The following RIBC2 variants were observed in gnomAD, a reference collection of about 807,000 sequenced individuals.
The protein encoded by RIBC2 is RIB43A-like with coiled-coils protein 2.
In RIBC2, 40 loss-of-function variants were observed where a neutral mutation model predicts 44.3. The ratio of observed to expected loss-of-function variants is 0.90; its 90% confidence interval spans 0.70 to 1.18. The LOEUF is 1.18. RIBC2 is among the 50% of genes most tolerant of loss of function. The pLI is 0.00. For synonymous variants in RIBC2, 171 were observed against 175.0 expected, an observed-to-expected ratio of 0.98 and a Z score of 0.18; for missense variants, 459 against 485.5, an observed-to-expected ratio of 0.95 and a Z score of 0.51.
intron 3 of RIBC2, among the ~76,000 whole-genome samples, chr22:45,421,550 A>ATATTAATAATAATAATAGTATTAT (rs2087482353): frequency 3.2e-5 from 1 of 31,244 alleles, no homozygotes; most frequent in Non-Finnish European, 4.7e-5. Context: ...AATATTAATA[A>ATATTAATAATAATAATAGTATTAT]TAATAATAGT....
intron 5 of RIBC2, among the ~76,000 whole-genome samples, chr22:45,430,512 G>A (rs1381999034): frequency 6.6e-6 from 1 of 152,204 alleles, no homozygotes; most frequent in Non-Finnish European, 1.5e-5. Flanking sequence ...AGCCGGCCAT[G>A]GCTCATGGAG....
intron 3 of RIBC2, among the ~76,000 whole-genome samples, chr22:45,421,544 T>C (rs765115392): frequency 7.1e-5 from 8 of 113,200 alleles, no homozygotes; most frequent in African/African-American, 2.2e-4. Context: ...ATTAATAATA[T>C]TAATAATAAT....
rs767889347 is a variant in RIBC2 at position 45,426,008 on chromosome 22, G to A, written c.736G>A (p.Ala246Thr). 6.2e-7 allele frequency: 1 copy of A among 1,613,982 alleles called. No individual in the cohort carries two copies. The highest frequency in any genetic ancestry group is 1.3e-5 in the African/African-American group (1 of 74,932). ...EKKQEQEDNL[A>T]EITNLLRGDL... Reference sequence around the variant, plus strand: ...AAAGCAAGAACAAGAGGACAACTTGGCCGAGATCACCAACCTCCTGCGTGG... The same window carrying A: ...AAAGCAAGAACAAGAGGACAACTTGACCGAGATCACCAACCTCCTGCGTGG... Residue 246 changes from alanine to threonine, a missense_variant, in exon 5 of 7, where the codon GCC becomes ACC. Physicochemically the swap from Ala to Thr is moderately conservative, Grantham distance 58 (BLOSUM62 0). Coordinates refer to ENST00000614167, the MANE Select transcript of RIBC2 (RefSeq NM_015653.5).
chr22:45,417,570 C>A, intron 2 of RIBC2, 32 bp from the exon 3 acceptor site: 2 of 1,486,536 alleles, frequency 1.3e-6, no homozygotes, highest in South Asian at 1.2e-5. Context: ...CCTCTGAATC[C>A]TAAGCTTATG....
intron 4 of RIBC2, 128 bp downstream of exon 4, chr22:45,422,536 T>A (rs1398836096): frequency 1.4e-6 from 1 of 719,840 alleles, no homozygotes; most frequent in African/African-American, 1.7e-5. Context: ...TGACCGGCCC[T>A]GACAGAGACC....
rs180909524 is a variant in RIBC2 at position 45,432,159 on chromosome 22, C to T, written c.1071-125C>T. ...TTTGGGGGGCTCATTAGGTATGAAA[C>T]GTATTCTGTATTTTGGGGATAACAC... is the stretch of plus-strand genomic sequence containing the variant. On this transcript the variant is annotated intron_variant, in intron 6 of 6. Transcript: ENST00000614167. 53 of 584,254 alleles carry T rather than the reference C, an allele frequency of 9.1e-5. No individual in the cohort carries two copies. The Admixed American group carries it at 9.6e-4, about 11-fold the overall frequency. The allele number at this position is 584,254 out of a possible 1,614,324, so 36.2% of individuals were successfully genotyped here. A position where few individuals can be genotyped will look rare whatever the true frequency, so the allele number is the denominator to read the frequency against.
At chr22:45,419,919 G>A (rs2087461715) in intron 3 of RIBC2, among the ~76,000 whole-genome samples, 1 of 151,842 alleles carries the variant, frequency 6.6e-6, no homozygotes, top group Admixed American at 6.6e-5. Context: ...CCAGCTACTC[G>A]GGAGGCTGAG....
intron 5 of RIBC2, among the ~76,000 whole-genome samples, chr22:45,427,681 C>T (rs920570891): frequency 6.6e-6 from 1 of 152,248 alleles, no homozygotes; most frequent in Non-Finnish European, 1.5e-5. Context: ...ATCACCCTGG[C>T]TGGAGTGCAG....
At chr22:45,422,598 G>A (rs151104308) in intron 4 of RIBC2, 190 bp downstream of exon 4, 360 of 596,842 alleles carry the variant, frequency 6.0e-4, no homozygotes, top group Non-Finnish European at 9.9e-4. Context: ...CTGTGCCTTA[G>A]CTCTGAATCT....
Position 45,417,907 on chromosome 22 carries a change from A to G in RIBC2, c.517A>G (p.Arg173Gly), listed in dbSNP as rs764277723. 1.2e-6 allele frequency: 2 copies of G among 1,612,392 alleles called. No homozygotes were observed. The highest frequency in any genetic ancestry group is 1.3e-5 in the African/African-American group (1 of 74,952). ...CAGAGAATGGTCTTTGCAGCAGCAA[A>G]GGGAATGGAAGAACGCCCGTGCTGA... ...QNREWSLQQQ[R>G]EWKNARAEQK... The change falls in exon 3 of 7, where the codon AGG (arginine) becomes GGG (glycine). Residue 173 changes from arginine (R) to glycine (G), a missense_variant. By Grantham distance (125) the Arg-to-Gly change is moderately radical. Transcript: ENST00000614167.
chr22:45,428,370 A>T (rs541966712), intron 5 of RIBC2, among the ~76,000 whole-genome samples: 1 of 152,256 alleles, frequency 6.6e-6, no homozygotes, highest in Admixed American at 6.5e-5. Flanking sequence ...GGTGAAGGGA[A>T]AGTTTTTGTT....
At chr22:45,419,521 G>A (rs535922647) in intron 3 of RIBC2, among the ~76,000 whole-genome samples, 89 of 151,996 alleles carry the variant, frequency 5.9e-4, no homozygotes, top group African/African-American at 2.1e-3. Context: ...ATCACTTGAA[G>A]CCAAGAGATC....
chr22:45,421,348 A>T (rs1301610895), intron 3 of RIBC2, among the ~76,000 whole-genome samples: 1 of 144,138 alleles, frequency 6.9e-6, no homozygotes, highest in African/African-American at 2.5e-5. Flanking sequence ...ATAATAATTA[A>T]ATAATTAATT....
At chr22:45,423,276 T>C (rs942344212) in intron 4 of RIBC2, among the ~76,000 whole-genome samples, 18 of 151,994 alleles carry the variant, frequency 1.2e-4, no homozygotes, top group African/African-American at 4.4e-4. Flanking sequence ...GGCCCTCTTT[T>C]CGTTTTGGAA....
Position 45,417,717 on chromosome 22 carries a change from A to G in RIBC2, c.327A>G (p.Pro109=). 6.2e-7 allele frequency: 1 copy of G among 1,614,222 alleles called. No individual in the cohort carries two copies. The highest frequency in any genetic ancestry group is 8.5e-7 in the Non-Finnish European group (1 of 1,180,042). The change falls in exon 3 of 7, where the codon CCA becomes CCG. Residue 109 remains proline, a synonymous_variant. Transcript: ENST00000614167. ...ACTTCCAACAGAGCTTTCAGAAGCC[A>G]GAAACTCGCCGTGAATTTGATCTGT... The part of the protein sequence containing the change: ...INDFQQSFQK[P]ETRREFDLSD...
Position 45,432,382 on chromosome 22 carries a change from C to T in RIBC2, c.*20C>T, listed in dbSNP as rs777757171. On this transcript the variant is annotated 3_prime_UTR_variant, in exon 7 of 7. Coordinates refer to ENST00000614167, the MANE Select transcript of RIBC2 (RefSeq NM_015653.5). ...CGATAATGAGGAACACACCCTTGTTCCCGTCATTCACGTATAAAGAGTGGC... is the reference window on the plus strand; with the variant it reads ...CGATAATGAGGAACACACCCTTGTTTCCGTCATTCACGTATAAAGAGTGGC... The T allele has an allele frequency of 3.8e-5, 58 of 1,515,826 alleles. No individual in the cohort carries two copies. Among genetic ancestry groups the T allele is most frequent in the Non-Finnish European group, 6.4e-6 (7 of 1,098,376 alleles). The allele number at this position is 1,515,826 out of a possible 1,614,324, so 93.9% of individuals were successfully genotyped here. A position where few individuals can be genotyped will look rare whatever the true frequency, so the allele number is the denominator to read the frequency against.
At chr22:45,414,290 C>G in intron 1 of RIBC2, 32 bp from the exon 2 acceptor site, 1 of 1,539,612 alleles carries the variant, frequency 6.5e-7, no homozygotes, top group Non-Finnish European at 8.8e-7. Context: ...TGATCTGGCT[C>G]TAACCCTTCT....
At chr22:45,419,373 C>A (rs1002548053) in intron 3 of RIBC2, among the ~76,000 whole-genome samples, 2 of 152,128 alleles carry the variant, frequency 1.3e-5, no homozygotes, top group Non-Finnish European at 2.9e-5. Context: ...ATCTTGACTC[C>A]TTCCTTTCTC....
chr22:45,426,138 T>G lies in RIBC2; in HGVS notation c.866T>G (p.Ile289Ser). ...ATGACCCAGGAGCAGCTGGAGCAGA[T>G]CCGCCTAGTCCAGAAGCAGCAAATC... ...KGMTQEQLEQ[I>S]RLVQKQQIQE... The change falls in exon 5 of 7, where the codon ATC becomes AGC. Residue 289 changes from isoleucine (I) to serine (S), a missense_variant. Transcript: ENST00000614167. 6.2e-7 allele frequency: 1 copy of G among 1,613,778 alleles called. No individual in the cohort carries two copies. Among genetic ancestry groups the G allele is most frequent in the Non-Finnish European group, 8.5e-7 (1 of 1,180,008 alleles).
Sources: allele counts gnomAD v4.1 joint callset (sites outside exome capture counted in the v4.1 genomes callset), GRCh38; gene constraint gnomAD v4.1.1; transcripts MANE v1.5; gene names NCBI Gene and HGNC (gene_info 2026-07-23, HGNC 2026-07-21).